Variants in ADGRB3 observed in about 807,000 individuals in gnomAD.
ADGRB3 encodes adhesion G protein-coupled receptor B3.
Under a neutral mutation model 193.4 loss-of-function variants are expected in ADGRB3, and 37 were observed. The ratio of observed to expected loss-of-function variants is 0.19; its 90% CI spans 0.15 to 0.25. ADGRB3 has a LOEUF of 0.25. Ranked by LOEUF, ADGRB3 falls within the 10% of genes least tolerant of loss-of-function variation. The pLI is 1.00. For synonymous variants in ADGRB3, 690 were observed against 644.2 expected, an observed-to-expected ratio of 1.07 and a Z score of -1.08; for missense variants, 1,637 against 1,852.9, an observed-to-expected ratio of 0.88 and a Z score of 2.14.
intron 3 of ADGRB3, among the ~76,000 whole-genome samples, chr6:68,859,226 CT>C (rs2150213691): frequency 6.6e-6 from 1 of 152,364 alleles, no homozygotes; most frequent in South Asian, 2.1e-4. Flanking sequence ...CCATCTCCAT[CT>C]GAGACCACCT....
intron 3 of ADGRB3, among the ~76,000 whole-genome samples, chr6:68,922,147 T>A (rs2150242668): frequency 6.6e-6 from 1 of 151,602 alleles, no homozygotes; most frequent in East Asian, 1.9e-4. Context: ...AACAATAATG[T>A]TTTTCTATGA....
At chr6:69,016,213 T>C (rs774098079) in intron 12 of ADGRB3, among the ~76,000 whole-genome samples, 2 of 151,978 alleles carry the variant, frequency 1.3e-5, no homozygotes, top group Non-Finnish European at 2.9e-5. Flanking sequence ...GCCAACCTTT[T>C]ATAACCTGCT....
At position 68,699,583 on chromosome 6, in the gene ADGRB3, T is replaced by A. The variant is rs575776447; in HGVS notation, c.757+60151T>A. 4.6e-5 allele frequency among the ~76,000 whole-genome samples: 7 copies of A among 152,044 alleles called. No homozygotes were observed. The South Asian group carries it at 8.3e-4, about 18-fold the overall frequency. Reference sequence around the variant, plus strand: ...GACAATCTCTTCTTTTAACATCTGATAGGTTCCTTTGCATTAAGAGAATCT... The same window carrying A: ...GACAATCTCTTCTTTTAACATCTGAAAGGTTCCTTTGCATTAAGAGAATCT... On this transcript the variant is annotated intron_variant, in intron 3 of 31. Coordinates refer to ENST00000370598, the MANE Select transcript of ADGRB3 (RefSeq NM_001704.3).
intron 3 of ADGRB3, among the ~76,000 whole-genome samples, chr6:68,909,017 G>A (rs557183109): frequency 6.6e-6 from 1 of 152,234 alleles, no homozygotes; most frequent in African/African-American, 2.4e-5. Flanking sequence ...TCCTATTTGG[G>A]ATGACCAATA....
At chr6:69,214,185 G>A (rs965513679) in intron 17 of ADGRB3, among the ~76,000 whole-genome samples, 2 of 152,158 alleles carry the variant, frequency 1.3e-5, no homozygotes, top group African/African-American at 4.8e-5. Flanking sequence ...CACAATGATG[G>A]ACAGGAATAT....
chr6:69,316,373 T>C (rs1343902219), intron 20 of ADGRB3, among the ~76,000 whole-genome samples: 1 of 151,374 alleles, frequency 6.6e-6, no homozygotes, highest in Non-Finnish European at 1.5e-5. Context: ...CAAGTAACAT[T>C]AGAAAAGGAA....
intron 17 of ADGRB3, among the ~76,000 whole-genome samples, chr6:69,179,978 A>G (rs1180097044): frequency 6.6e-6 from 1 of 152,172 alleles, no homozygotes; most frequent in African/African-American, 2.4e-5. Context: ...CAGGAGCCAG[A>G]TGGGCAGGGC....
intron 17 of ADGRB3, among the ~76,000 whole-genome samples, chr6:69,190,616 T>G (rs2150354655): frequency 6.6e-6 from 1 of 152,168 alleles, no homozygotes; most frequent in Non-Finnish European, 1.5e-5. Flanking sequence ...TTTCATAAAT[T>G]TAGCGTAACT....
intron 3 of ADGRB3, among the ~76,000 whole-genome samples, chr6:68,728,736 T>G (rs1490382380): frequency 6.6e-6 from 1 of 151,576 alleles, no homozygotes; most frequent in Non-Finnish European, 1.5e-5. Context: ...ACACAAAGGT[T>G]AAGTAATTGC....
chr6:69,138,074 C>T (rs770716124), intron 17 of ADGRB3, among the ~76,000 whole-genome samples: 2 of 152,120 alleles, frequency 1.3e-5, no homozygotes, highest in East Asian at 1.9e-4. Flanking sequence ...GACCTAGAAA[C>T]GGTACCCATC....
chr6:69,173,508 C>T (rs1006572219), intron 17 of ADGRB3, among the ~76,000 whole-genome samples: 1 of 152,046 alleles, frequency 6.6e-6, no homozygotes, highest in Non-Finnish European at 1.5e-5. Context: ...AAATTATTTG[C>T]AGTAGTCTAA....
chr6:69,253,860 G>C (rs562203081), intron 20 of ADGRB3, among the ~76,000 whole-genome samples: 2 of 152,030 alleles, frequency 1.3e-5, no homozygotes, highest in East Asian at 3.9e-4. Context: ...TATCAGATGA[G>C]GGCAAAAATA....
At chr6:69,186,613 T>G (rs1765075734) in intron 17 of ADGRB3, among the ~76,000 whole-genome samples, 1 of 152,130 alleles carries the variant, frequency 6.6e-6, no homozygotes, top group African/African-American at 2.4e-5. Flanking sequence ...TCACTATTTT[T>G]TAGTACACGT....
At chr6:68,655,122 C>T (rs1207432221) in intron 3 of ADGRB3, among the ~76,000 whole-genome samples, 1 of 150,576 alleles carries the variant, frequency 6.6e-6, no homozygotes, top group South Asian at 2.1e-4. Flanking sequence ...ACACATCTCA[C>T]AGCTATAAAT....
At chr6:68,754,351 A>G (rs746885863) in intron 3 of ADGRB3, among the ~76,000 whole-genome samples, 1 of 152,136 alleles carries the variant, frequency 6.6e-6, no homozygotes, top group Non-Finnish European at 1.5e-5. Flanking sequence ...AGGGAGTTTC[A>G]ATAAAGGGGA....
At position 69,369,703 on chromosome 6, in the gene ADGRB3, A is replaced by G. The variant is rs564624287; in HGVS notation, c.4240-2703A>G. 6.4e-3 allele frequency among the ~76,000 whole-genome samples: 972 copies of G among 151,802 alleles called. 6 individuals carry two copies. Among genetic ancestry groups the G allele is most frequent in the Non-Finnish European group, 8.9e-3 (606 of 67,890 alleles). On this transcript the variant is annotated intron_variant, in intron 29 of 31. Transcript: ENST00000370598. ...ACAGAGCAAGACCATTTCAAAAAAA[A>G]AAAAAAAAAAAGAGAGAGCGAGTCA...
intron 3 of ADGRB3, among the ~76,000 whole-genome samples, chr6:68,796,703 A>T (rs1183011849): frequency 2.0e-5 from 3 of 152,182 alleles, no homozygotes; most frequent in African/African-American, 7.2e-5. Flanking sequence ...CTTCTGGTGC[A>T]ATCAGTCCGG....
intron 20 of ADGRB3, among the ~76,000 whole-genome samples, chr6:69,284,196 G>A (rs905061508): frequency 6.6e-6 from 1 of 152,172 alleles, no homozygotes; most frequent in Non-Finnish European, 1.5e-5. Context: ...CTGGCCTGAA[G>A]CAGAATCCTC....
chr6:69,028,762 T>A (rs1284091232), intron 13 of ADGRB3, among the ~76,000 whole-genome samples: 1 of 152,238 alleles, frequency 6.6e-6, no homozygotes, highest in Non-Finnish European at 1.5e-5. Context: ...TATCACATAT[T>A]ATGCCAATTT....
Sources: allele counts gnomAD v4.1 joint callset (sites outside exome capture counted in the v4.1 genomes callset), GRCh38; gene constraint gnomAD v4.1.1; transcripts MANE v1.5; gene names NCBI Gene and HGNC (gene_info 2026-07-23, HGNC 2026-07-21).